Variants in PIK3R6 observed in about 807,000 individuals in gnomAD.
The protein encoded by PIK3R6 is phosphoinositide-3-kinase regulatory subunit 6.
A neutral mutation model predicts 84.9 loss-of-function variants in PIK3R6; 91 were observed. The observed-to-expected ratio is 1.07, with a 90% CI of 0.90 to 1.28. The LOEUF (loss-of-function observed/expected upper bound fraction) is 1.28. PIK3R6 is among the 50% of genes most tolerant of loss of function. The pLI, the probability that PIK3R6 is intolerant of heterozygous loss-of-function variation, is 0.00. For missense variants in PIK3R6, 996 were observed against 985.1 expected (o/e 1.01, Z -0.15); for synonymous variants, 416 against 411.4 (o/e 1.01, Z -0.13).
At chr17:8,855,147 C>T (rs1026962809) in intron 1 of PIK3R6, among the ~76,000 whole-genome samples, 4 of 151,872 alleles carry the variant, frequency 2.6e-5, no homozygotes, top group African/African-American at 4.8e-5. Context: ...GAGCTGAGAT[C>T]GTGCCACTGG....
chr17:8,829,337 A>G (rs951953280), intron 10 of PIK3R6, among the ~76,000 whole-genome samples: 1 of 140,188 alleles, frequency 7.1e-6, no homozygotes, highest in Admixed American at 7.1e-5. Context: ...CACCCATGCA[A>G]GCACACACAG....
chr17:8,865,371 T>C (rs1355344394), intron 1 of PIK3R6, among the ~76,000 whole-genome samples: 1 of 152,132 alleles, frequency 6.6e-6, no homozygotes, highest in Non-Finnish European at 1.5e-5. Context: ...GATGTGGAGC[T>C]TCCAGGCCTC....
chr17:8,854,949 T>G (rs554441671), intron 1 of PIK3R6, among the ~76,000 whole-genome samples: 1 of 152,286 alleles, frequency 6.6e-6, no homozygotes, highest in Admixed American at 6.5e-5. Flanking sequence ...ATCCCAACAT[T>G]TGGGAGGCCA....
rs2088066861 is a variant in PIK3R6, at chr17:8,829,088, AAC to A, written c.890-100_890-99del. 19 of 1,167,146 alleles carry A rather than the reference AAC, an allele frequency of 1.6e-5. No homozygotes were observed. The South Asian group carries it at 3.1e-4, about 19-fold the overall frequency. The allele number at this position is 1,167,146 out of a possible 1,614,324, so 72.3% of individuals were successfully genotyped here. A position where few individuals can be genotyped will look rare whatever the true frequency, so the allele number is the denominator to read the frequency against. ...TCTTCAGAGGATACACACACACAGA[AAC>A]ACAGACAGACACATAAAGACACACA... is the stretch of plus-strand genomic sequence containing the variant. On this transcript the variant is annotated intron_variant, in intron 10 of 19. Transcript: ENST00000619866.
chr17:8,851,517 A>C (rs149720), intron 1 of PIK3R6, among the ~76,000 whole-genome samples: 42,316 of 151,996 alleles, frequency 0.28, 6,303 homozygotes, highest in Non-Finnish European at 0.32. Flanking sequence ...AAAACAAAAC[A>C]AACCAACCAA....
chr17:8,839,745 C>T lies in PIK3R6; in HGVS notation c.14-48G>A. On this transcript the variant is annotated intron_variant, in intron 2 of 19. Transcript: ENST00000619866. The surrounding 1 kb of genome is among the most constrained non-coding windows in gnomAD (Gnocchi z 4.2). ...GGAAACTCAGTCCACTGAACCTCAC[C>T]CTCGTCCCACCTCCATTCCTTCCGA... 2 of 1,413,206 alleles carry T rather than the reference C, an allele frequency of 1.4e-6. No homozygotes were observed. The highest frequency in any genetic ancestry group is 1.9e-6 in the Non-Finnish European group (2 of 1,028,710). The allele number at this position is 1,413,206 out of a possible 1,614,324, so 87.5% of individuals were successfully genotyped here. A position where few individuals can be genotyped will look rare whatever the true frequency, so the allele number is the denominator to read the frequency against.
In PIK3R6 at chr17:8,803,679, G is replaced by GGGGAAGCCA. The variant is rs1378086074; in HGVS notation, c.2109-259_2109-251dup. 4 of 548,966 alleles carry GGGGAAGCCA rather than the reference G, an allele frequency of 7.3e-6. No homozygotes were observed. The highest frequency in any genetic ancestry group is 1.3e-5 in the Non-Finnish European group (4 of 310,654). 34.0% of individuals were successfully genotyped at this position (548,966 alleles called of 1,614,324 possible). On this transcript the variant is annotated intron_variant, in intron 19 of 19. Coordinates refer to ENST00000619866, the MANE Select transcript of PIK3R6 (RefSeq NM_001010855.4). The surrounding 1 kb of genome is among the most constrained non-coding windows in gnomAD (Gnocchi z 5.0). The stretch of plus-strand genomic sequence containing the variant: ...TCCCTTACCCAAACACACCTCCCGA[G>GGGGAAGCCA]GGGAAGCCAGTAAGGGTCAGCTAAC...
chr17:8,852,695 C>T (rs1024192357), intron 1 of PIK3R6, among the ~76,000 whole-genome samples: 2 of 149,192 alleles, frequency 1.3e-5, no homozygotes, highest in Non-Finnish European at 3.0e-5. Context: ...GTCAAGATGT[C>T]GCTACTGCAC....
chr17:8,819,715 T>C (rs1057103938), intron 17 of PIK3R6, among the ~76,000 whole-genome samples: 26 of 146,796 alleles, frequency 1.8e-4, no homozygotes, highest in Admixed American at 7.6e-4. Context: ...CACATATATA[T>C]ACATATATAC....
chr17:8,823,327 G>T, intron 14 of PIK3R6, 60 bp downstream of exon 14: 5 of 1,289,484 alleles, frequency 3.9e-6, no homozygotes, highest in Non-Finnish European at 1.1e-6. Context: ...TTTCCCCAGA[G>T]CCTGGGTATT....
At position 8,828,549 on chromosome 17, in the gene PIK3R6, C is replaced by A. The variant is rs2088030976; in HGVS notation, c.1313+18G>T. 1 of 1,609,192 alleles carries A rather than the reference C, an allele frequency of 6.2e-7. No individual in the cohort carries two copies. Among genetic ancestry groups the A allele is most frequent in the South Asian group, 1.1e-5 (1 of 90,630 alleles). ...CCCTGACCAGCGCCCACCCCCAGCC[C>A]CCACGTCGGGGCCCCACCTGAGTCT... On this transcript the variant is annotated intron_variant, in intron 11 of 19. Transcript: ENST00000619866.
chr17:8,857,744 C>A (rs1406368728), intron 1 of PIK3R6, among the ~76,000 whole-genome samples: 1 of 151,886 alleles, frequency 6.6e-6, no homozygotes, highest in South Asian at 2.1e-4. Context: ...ACTAAAAATA[C>A]AAAAAATTAG....
chr17:8,864,529 CTTTTT>C lies in PIK3R6; in HGVS notation c.-92+2995_-92+2999del, dbSNP rs35714531. Reference sequence around the variant, plus strand: ...CTTATAACCCAGGTCCTTCACAGCTCTTTTTTTTTTTTTTTTTTTTTTTTTTTTAG... The same window carrying C: ...CTTATAACCCAGGTCCTTCACAGCTCTTTTTTTTTTTTTTTTTTTTTTTAG... On this transcript the variant is annotated intron_variant, in intron 1 of 19. Transcript: ENST00000619866. Among the ~76,000 whole-genome samples the C allele has an allele frequency of 7.5e-3, 494 of 65,546 alleles. 1 individual carries two copies. The highest frequency in any genetic ancestry group is 0.011 in the Non-Finnish European group (403 of 35,366). The allele number at this position is 65,546 out of a possible 152,430, so 43.0% of individuals were successfully genotyped here.
chr17:8,804,772 G>A (rs1201195738), intron 18 of PIK3R6, among the ~76,000 whole-genome samples: 3 of 152,110 alleles, frequency 2.0e-5, no homozygotes, highest in Admixed American at 1.3e-4. Context: ...AGAGGTTGTG[G>A]TTCATCCCAC....
At chr17:8,836,418 A>G (rs12951637) in intron 7 of PIK3R6, 129 bp downstream of exon 7, 11 of 955,934 alleles carry the variant, frequency 1.2e-5, no homozygotes, top group Non-Finnish European at 1.5e-5. Flanking sequence ...GACAAATATC[A>G]TGGCTGGGGA....
intron 1 of PIK3R6, among the ~76,000 whole-genome samples, chr17:8,850,735 G>A (rs1445937298): frequency 1.3e-5 from 2 of 152,008 alleles, no homozygotes; most frequent in Non-Finnish European, 2.9e-5. Context: ...CGTATAACTG[G>A]GAAAGCTAAT....
intron 18 of PIK3R6, among the ~76,000 whole-genome samples, chr17:8,815,411 C>G (rs2087499781): frequency 6.6e-6 from 1 of 151,184 alleles, no homozygotes; most frequent in African/African-American, 2.4e-5. Context: ...GAGGCTGAGG[C>G]AGGAGAATCG....
intron 18 of PIK3R6, among the ~76,000 whole-genome samples, chr17:8,812,041 C>T (rs2087372817): frequency 6.6e-6 from 1 of 152,310 alleles, no homozygotes; most frequent in East Asian, 1.9e-4. Flanking sequence ...GGAGGCCTCA[C>T]AATCATGGCA....
chr17:8,810,211 C>G (rs1394321341), intron 18 of PIK3R6, among the ~76,000 whole-genome samples: 1 of 147,898 alleles, frequency 6.8e-6, no homozygotes, highest in African/African-American at 2.5e-5. Flanking sequence ...AAAAAGAGAG[C>G]TTGTGCAGGG....
Sources: gnomAD v4.1 joint callset for allele counts (sites outside exome capture counted in the v4.1 genomes callset) on GRCh38, gnomAD v4.1.1 for gene constraint, Gnocchi (gnomAD v3.1) non-coding constraint, MANE v1.5 for transcripts, NCBI Gene and HGNC (gene_info 2026-07-23, HGNC 2026-07-21) for gene names.